The following SENP6 variants were observed in gnomAD, a reference collection of about 807,000 sequenced individuals.
SENP6 encodes sentrin-specific protease 6.
SENP6 carries 41 observed loss-of-function variants against 134.5 expected under a neutral mutation model. That is an observed-to-expected ratio of 0.30 (90% CI 0.24 to 0.40). The LOEUF is 0.40. SENP6 is among the 10% of genes least tolerant of loss of function. The probability of loss-of-function intolerance (pLI) is 1.00; values close to 1 mark genes in which losing one functional copy is unlikely to be tolerated. For synonymous variants in SENP6, 395 were observed against 429.8 expected, an observed-to-expected ratio of 0.92 and a Z score of 1.00; for missense variants, 1,248 against 1,312.5, an observed-to-expected ratio of 0.95 and a Z score of 0.76.
At chr6:75,626,357 G>C (rs1156673819) in intron 3 of SENP6, among the ~76,000 whole-genome samples, 1 of 149,692 alleles carries the variant, frequency 6.7e-6, no homozygotes, top group Non-Finnish European at 1.5e-5. Flanking sequence ...ATATATATAT[G>C]TAAGCATATA....
chr6:75,680,825 T>C (rs571639178), intron 16 of SENP6, among the ~76,000 whole-genome samples: 1 of 152,304 alleles, frequency 6.6e-6, no homozygotes, highest in South Asian at 2.1e-4. Context: ...AGAGAACATG[T>C]ACTTTTAGTC....
At chr6:75,651,755 A>G (rs556297914) in intron 7 of SENP6, among the ~76,000 whole-genome samples, 43 of 152,316 alleles carry the variant, frequency 2.8e-4, no homozygotes, top group African/African-American at 9.4e-4. Flanking sequence ...TTGATACATA[A>G]TATTCATACT....
intron 16 of SENP6, among the ~76,000 whole-genome samples, chr6:75,685,527 A>G (rs780522978): frequency 1.7e-4 from 26 of 152,310 alleles, no homozygotes; most frequent in Non-Finnish European, 3.4e-4. Context: ...ATTTAGTGCT[A>G]TTAATTTCCC....
chr6:75,636,659 C>G (rs1041834921), intron 5 of SENP6, among the ~76,000 whole-genome samples: 2 of 151,948 alleles, frequency 1.3e-5, no homozygotes, highest in Non-Finnish European at 2.9e-5. Context: ...GAGAAGGGAA[C>G]AAGAATTTAT....
At chr6:75,602,724 C>A in intron 1 of SENP6, 148 bp downstream of exon 1, 1 of 884,626 alleles carries the variant, frequency 1.1e-6, no homozygotes, top group Non-Finnish European at 1.7e-6. Context: ...AGGGAGTGTG[C>A]TGCGAGCGCA....
chr6:75,713,272 TA>T (rs1241010551), intron 21 of SENP6, among the ~76,000 whole-genome samples: 4 of 152,104 alleles, frequency 2.6e-5, no homozygotes, highest in Admixed American at 1.3e-4. Context: ...ATAGCTAAGA[TA>T]TGGTTAAGTT....
chr6:75,633,836 A>G lies in SENP6; in HGVS notation c.353+110A>G, dbSNP rs866212223. The G allele has an allele frequency of 1.3e-4, 119 of 896,802 alleles. No homozygotes were observed. The Middle Eastern group carries it at 5.7e-3, about 43-fold the overall frequency. The allele number at this position is 896,802 out of a possible 1,614,324, so 55.6% of individuals were successfully genotyped here. A position where few individuals can be genotyped will look rare whatever the true frequency, so the allele number is the denominator to read the frequency against. On this transcript the variant is annotated intron_variant, in intron 4 of 23. Transcript: ENST00000447266. ...TGTACCTTTTCTTCTGAATTTGTCT[A>G]TAGGGCCAAGAGGTAGCATGGTCCC...
At chr6:75,651,342 CAT>C (rs1361080841) in intron 7 of SENP6, among the ~76,000 whole-genome samples, 2 of 152,050 alleles carry the variant, frequency 1.3e-5, no homozygotes, top group African/African-American at 2.4e-5. Flanking sequence ...CTGCTTAACA[CAT>C]GTTAACTTTT....
At chr6:75,638,242 GTTTT>G (rs59853416) in intron 5 of SENP6, among the ~76,000 whole-genome samples, 1 of 142,318 alleles carries the variant, frequency 7.0e-6, no homozygotes, top group Non-Finnish European at 1.5e-5. Flanking sequence ...CTTTTCTTTT[GTTTT>G]TTTTTTTTTT....
At chr6:75,661,712 GTA>G (rs1771789268) in intron 8 of SENP6, among the ~76,000 whole-genome samples, 1 of 152,048 alleles carries the variant, frequency 6.6e-6, no homozygotes, top group Non-Finnish European at 1.5e-5. Context: ...TTCTTTCCAT[GTA>G]TAGTCTCTGA....
chr6:75,672,282 T>C (rs757098248), intron 11 of SENP6, among the ~76,000 whole-genome samples: 8 of 152,326 alleles, frequency 5.3e-5, no homozygotes, highest in Middle Eastern at 3.4e-3. Context: ...TGCTGGTGAT[T>C]TAGACATTTA....
At chr6:75,655,717 A>G (rs1388908698) in intron 7 of SENP6, among the ~76,000 whole-genome samples, 1 of 152,248 alleles carries the variant, frequency 6.6e-6, no homozygotes, top group African/African-American at 2.4e-5. Flanking sequence ...TAAATAATCG[A>G]TAAACAACAC....
chr6:75,618,865 G>T (rs1768048050), intron 1 of SENP6, among the ~76,000 whole-genome samples: 2 of 151,604 alleles, frequency 1.3e-5, no homozygotes, highest in African/African-American at 2.4e-5. Context: ...CAGTATACAT[G>T]TTAGGAAGTT....
intron 4 of SENP6, among the ~76,000 whole-genome samples, chr6:75,634,001 T>G (rs1327083990): frequency 6.6e-6 from 1 of 152,180 alleles, no homozygotes; most frequent in Non-Finnish European, 1.5e-5. Flanking sequence ...AGAATCTCAG[T>G]CATAATATTT....
At chr6:75,619,738 A>C (rs1405396242) in intron 1 of SENP6, among the ~76,000 whole-genome samples, 1 of 152,152 alleles carries the variant, frequency 6.6e-6, no homozygotes, top group Non-Finnish European at 1.5e-5. Flanking sequence ...CTAGCAATGC[A>C]CAAGAGTTCC....
intron 13 of SENP6, 80 bp from the exon 14 acceptor site, chr6:75,676,950 G>T (rs1303421590): frequency 2.8e-6 from 2 of 717,252 alleles, no homozygotes; most frequent in Non-Finnish European, 4.6e-6. Flanking sequence ...CTCCTGGAAA[G>T]AATTAATAAT....
At position 75,675,928 on chromosome 6, in the gene SENP6, G is replaced by A. The variant is rs1445139852; in HGVS notation, c.1495G>A (p.Val499Ile). ...TCTAACTAAATGTGAATGGTGTAAT[G>A]TCCGAAAATTACCTGTAGTGTTTCT... ...SDLTKCEWCN[V>I]RKLPVVFLQA... Residue 499 changes from valine to isoleucine, a missense_variant, in exon 13 of 24, where the codon GTC becomes ATC. This residue lies in a region of SENP6 where 733 missense variants were observed against 725.4 expected (regional missense o/e 1.01). Transcript: ENST00000447266. 6.2e-7 allele frequency: 1 copy of A among 1,612,444 alleles called. No individual in the cohort carries two copies. Among genetic ancestry groups the A allele is most frequent in the Non-Finnish European group, 8.5e-7 (1 of 1,179,220 alleles).
chr6:75,653,123 C>G (rs926394982), intron 7 of SENP6, among the ~76,000 whole-genome samples: 2 of 152,092 alleles, frequency 1.3e-5, no homozygotes, highest in Non-Finnish European at 2.9e-5. Flanking sequence ...CTCCACCTCC[C>G]GGGTTCAAGC....
At chr6:75,618,522 TTTC>T (rs896761730) in intron 1 of SENP6, among the ~76,000 whole-genome samples, 2 of 152,206 alleles carry the variant, frequency 1.3e-5, no homozygotes, top group African/African-American at 4.8e-5. Context: ...GAATCAGTCA[TTTC>T]TTCTAGGAAC....
Sources: gnomAD v4.1 joint callset for allele counts (sites outside exome capture counted in the v4.1 genomes callset) on GRCh38, gnomAD v4.1.1 for gene constraint, gnomAD v4.1.1 regional missense constraint, MANE v1.5 for transcripts, NCBI Gene and HGNC (gene_info 2026-07-23, HGNC 2026-07-21) for gene names.